Variants in CLOCK observed in about 807,000 individuals in gnomAD.
The protein encoded by CLOCK is clock circadian regulator.
CLOCK carries 43 observed loss-of-function variants against 118.4 expected under a neutral mutation model. That is an observed-to-expected ratio of 0.36 (90% CI 0.28 to 0.47). The LOEUF (loss-of-function observed/expected upper bound fraction) is 0.47. CLOCK is among the 20% of genes least tolerant of loss of function. CLOCK has a pLI of 1.00. For missense variants in CLOCK, 846 were observed against 999.9 expected, an observed-to-expected ratio of 0.85 and a Z score of 2.08; for synonymous variants, 326 against 339.2, an observed-to-expected ratio of 0.96 and a Z score of 0.43.
chr4:55,470,806 C>G lies in CLOCK; in HGVS notation c.349G>C (p.Ala117Pro). 6.2e-7 allele frequency: 1 copy of G among 1,600,890 alleles called. No homozygotes were observed. Among genetic ancestry groups the G allele is most frequent in the Non-Finnish European group, 8.5e-7 (1 of 1,170,002 alleles). Reference protein sequence around the residue: ...NEEFTQLMLEALDGFFLAIMT... With the variant: ...NEEFTQLMLEPLDGFFLAIMT... ...ATTGCTAAAAAAAAACCATCAAGAG[C>G]CTGAAATTAAACATAATGATATGTT... Residue 117 changes from alanine (A) to proline (P), a missense_variant and splice_region_variant, in exon 8 of 23, where the codon GCT (alanine) becomes CCT (proline). By Grantham distance (27) the Ala-to-Pro change is conservative. Transcript: ENST00000513440.
At position 55,430,448 on chromosome 4, in the gene CLOCK, T is replaced by TC. The variant is rs1486616535; in HGVS notation, c.*4966dup. 1 of 152,212 alleles carries TC rather than the reference T, an allele frequency of 6.6e-6. No individual in the cohort carries two copies. The highest frequency in any genetic ancestry group is 2.4e-5 in the African/African-American group (1 of 41,468). 9.4% of individuals were successfully genotyped at this position (152,212 alleles called of 1,614,324 possible). On this transcript the variant is annotated 3_prime_UTR_variant, in exon 23 of 23. Transcript: ENST00000513440. ...AAAGAAAGTATTTTAATTTTTAAAA[T>TC]CCAAGTTTGCTTAATTTCTTGTGAA...
intron 3 of CLOCK, 113 bp from the exon 4 acceptor site, chr4:55,482,941 T>C: frequency 2.0e-6 from 1 of 501,710 alleles, no homozygotes; most frequent in South Asian, 3.7e-5. Context: ...GTTTTGTTTG[T>C]ACTGAAGATC....
intron 1 of CLOCK, among the ~76,000 whole-genome samples, chr4:55,519,000 T>C (rs1729689202): frequency 6.6e-6 from 1 of 152,178 alleles, no homozygotes; most frequent in East Asian, 1.9e-4. Flanking sequence ...AACATTCTCA[T>C]ACCTGTTTCC....
intron 1 of CLOCK, among the ~76,000 whole-genome samples, chr4:55,533,337 C>T (rs1043083599): frequency 1.3e-5 from 2 of 152,194 alleles, no homozygotes; most frequent in South Asian, 2.1e-4. Context: ...AAATGACTTG[C>T]GACAAGGGTG....
chr4:55,472,702 C>T (rs111963203), intron 7 of CLOCK, among the ~76,000 whole-genome samples: 5,087 of 151,762 alleles, frequency 0.034, 101 homozygotes, highest in Non-Finnish European at 0.054. Flanking sequence ...ATGTAATTGA[C>T]GAATATATAG....
chr4:55,544,511 A>G (rs1384391734), intron 1 of CLOCK, among the ~76,000 whole-genome samples: 1 of 152,242 alleles, frequency 6.6e-6, no homozygotes, highest in African/African-American at 2.4e-5. Context: ...TTTAAAAGAT[A>G]AATGCCTGTG....
intron 1 of CLOCK, among the ~76,000 whole-genome samples, chr4:55,515,958 A>G (rs535218844): frequency 2.6e-5 from 4 of 152,198 alleles, no homozygotes; most frequent in Admixed American, 2.6e-4. Flanking sequence ...TTTTTTTAAT[A>G]GATTTCTTGA....
chr4:55,532,703 C>T (rs1443315597), intron 1 of CLOCK, among the ~76,000 whole-genome samples: 2 of 151,848 alleles, frequency 1.3e-5, no homozygotes, highest in Admixed American at 6.6e-5. Flanking sequence ...AAAAATTAGC[C>T]GAGCGTGGAA....
chr4:55,446,948 G>A (rs1406670480), intron 18 of CLOCK, among the ~76,000 whole-genome samples: 2 of 151,872 alleles, frequency 1.3e-5, no homozygotes, highest in Non-Finnish European at 2.9e-5. Context: ...ACACAACTTT[G>A]ATTTCAGAAA....
rs561705709 is a variant in CLOCK at position 55,454,953 on chromosome 4, G to T, written c.982+944C>A. On this transcript the variant is annotated intron_variant, in intron 13 of 22. Transcript: ENST00000513440. The stretch of plus-strand genomic sequence containing the variant: ...AAAGTTACCCAGCTAGTTAATAGAG[G>T]TATCAGCTCTTTAGACAACATCATG... 7.3e-5 allele frequency among the ~76,000 whole-genome samples: 11 copies of T among 151,298 alleles called. No individual in the cohort carries two copies. The South Asian group carries it at 2.3e-3, about 32-fold the overall frequency.
Position 55,430,872 on chromosome 4 carries a change from A to G in CLOCK, c.*4543T>C, listed in dbSNP as rs1384124238. 5 of 152,182 alleles carry G rather than the reference A, an allele frequency of 3.3e-5. No individual in the cohort carries two copies. Among genetic ancestry groups the G allele is most frequent in the Non-Finnish European group, 7.4e-5 (5 of 68,026 alleles). The allele number at this position is 152,182 out of a possible 1,614,324, so 9.4% of individuals were successfully genotyped here. On this transcript the variant is annotated 3_prime_UTR_variant, in exon 23 of 23. Coordinates refer to ENST00000513440, the MANE Select transcript of CLOCK (RefSeq NM_004898.4). ...AAGATAGGTTTACAATAGTGTTTAAATCAAACTAGGCATCTACAATCTCTT... is the reference window on the plus strand; with the variant it reads ...AAGATAGGTTTACAATAGTGTTTAAGTCAAACTAGGCATCTACAATCTCTT...
intron 2 of CLOCK, among the ~76,000 whole-genome samples, chr4:55,490,901 A>T (rs2109948282): frequency 6.6e-6 from 1 of 152,290 alleles, no homozygotes; most frequent in South Asian, 2.1e-4. Context: ...ATTATTCTCA[A>T]GTACACAGAG....
At chr4:55,448,597 C>CGCGCGCGT (rs1724112588) in intron 18 of CLOCK, among the ~76,000 whole-genome samples, 182 bp downstream of exon 18, 1 of 72,922 alleles carries the variant, frequency 1.4e-5, no homozygotes, top group African/African-American at 6.8e-5. Flanking sequence ...CGCGCGCACG[C>CGCGCGCGT]GCGCGTGTGT....
intron 21 of CLOCK, among the ~76,000 whole-genome samples, chr4:55,438,763 G>A (rs906737616): frequency 3.9e-5 from 6 of 152,032 alleles, no homozygotes; most frequent in East Asian, 1.9e-4. Context: ...AATACAAAAC[G>A]TCTTTGGATA....
Position 55,470,807 on chromosome 4 carries a change from C to T in CLOCK, c.349-1G>A. Reference sequence around the variant, plus strand: ...TTGCTAAAAAAAAACCATCAAGAGCCTGAAATTAAACATAATGATATGTTA... The same window carrying T: ...TTGCTAAAAAAAAACCATCAAGAGCTTGAAATTAAACATAATGATATGTTA... On this transcript the variant is annotated splice_acceptor_variant, in intron 7 of 22. Coordinates refer to ENST00000513440, the MANE Select transcript of CLOCK (RefSeq NM_004898.4). LOFTEE classifies it high-confidence loss of function. 1 of 1,600,556 alleles carries T rather than the reference C, an allele frequency of 6.2e-7. No individual in the cohort carries two copies. The highest frequency in any genetic ancestry group is 8.6e-7 in the Non-Finnish European group (1 of 1,169,302).
At chr4:55,546,343 G>C (rs1205677429) in intron 1 of CLOCK, 2 of 152,400 alleles carry the variant, frequency 1.3e-5, no homozygotes, top group East Asian at 1.9e-4. Flanking sequence ...GGCGGGCCTC[G>C]GCCCGAAGTC....
intron 2 of CLOCK, among the ~76,000 whole-genome samples, chr4:55,508,062 T>C (rs1272863199): frequency 6.6e-6 from 1 of 152,192 alleles, no homozygotes; most frequent in Non-Finnish European, 1.5e-5. Context: ...AAAATTATGG[T>C]CTTCTATCTC....
chr4:55,428,648 TAAAACCA>T lies in CLOCK; in HGVS notation c.*6760_*6766del, dbSNP rs1280472208. 1.3e-5 allele frequency: 2 copies of T among 152,168 alleles called. No individual in the cohort carries two copies. The highest frequency in any genetic ancestry group is 3.8e-4 in the East Asian group (2 of 5,196). 9.4% of individuals were successfully genotyped at this position (152,168 alleles called of 1,614,324 possible). ...GATGAGCTACATCTACTTTTTAATTTAAAACCAAGAACCAAGCAGTAAGGACAGCAAT... is the reference window on the plus strand; with the variant it reads ...GATGAGCTACATCTACTTTTTAATTTAGAACCAAGCAGTAAGGACAGCAAT... On this transcript the variant is annotated 3_prime_UTR_variant, in exon 23 of 23. Coordinates refer to ENST00000513440, the MANE Select transcript of CLOCK (RefSeq NM_004898.4).
At chr4:55,510,691 G>A (rs1729090446) in intron 1 of CLOCK, among the ~76,000 whole-genome samples, 2 of 150,578 alleles carry the variant, frequency 1.3e-5, no homozygotes, top group South Asian at 4.2e-4. Context: ...GCAAGAATGT[G>A]TATGATCTAG....
Sources: gnomAD v4.1 joint callset for allele counts (sites outside exome capture counted in the v4.1 genomes callset) on GRCh38, gnomAD v4.1.1 for gene constraint, MANE v1.5 for transcripts, NCBI Gene and HGNC (gene_info 2026-07-23, HGNC 2026-07-21) for gene names.